CATSPERT: variants seen among roughly 807,000 people sequenced by gnomAD.
The protein encoded by CATSPERT is cation channel sperm-associated targeting subunit tau.
chr2:201,491,175 A>T, the CATSPERT span: 1 of 1,526,816 alleles, frequency 6.5e-7, no homozygotes, highest in South Asian at 1.2e-5. Flanking sequence ...TTACATGTAT[A>T]GTTCTTCTTG....
At chr2:201,557,497 A>G in the CATSPERT span, 2 of 152,114 alleles carry the variant, frequency 1.3e-5, no homozygotes, top group Non-Finnish European at 2.9e-5. Context: ...CCAACCCTAT[A>G]TCTTTCCATT....
chr2:201,564,889 TC>T, the CATSPERT span, among the ~76,000 whole-genome samples: 1 of 152,032 alleles, frequency 6.6e-6, no homozygotes, highest in South Asian at 2.1e-4. Flanking sequence ...ATAAATATGT[TC>T]AAAGAATTAA....
the CATSPERT span, chr2:201,487,762 A>G: frequency 6.2e-7 from 1 of 1,614,158 alleles, no homozygotes; most frequent in African/African-American, 1.3e-5. Flanking sequence ...CCTCCGGAGC[A>G]GTATATGGTC....
chr2:201,531,261 C>T, the CATSPERT span, among the ~76,000 whole-genome samples: 1 of 151,902 alleles, frequency 6.6e-6, no homozygotes, highest in Non-Finnish European at 1.5e-5. Context: ...GCCTGGCCGA[C>T]CCTGCAGTAT....
chr2:201,491,672 C>T, the CATSPERT span: 44 of 1,536,976 alleles, frequency 2.9e-5, no homozygotes, highest in Non-Finnish European at 3.7e-5. Flanking sequence ...GGCATTCTGG[C>T]ATTAGGAATT....
At chr2:201,611,887 T>C in the CATSPERT span, among the ~76,000 whole-genome samples, 3 of 152,224 alleles carry the variant, frequency 2.0e-5, no homozygotes, top group Non-Finnish European at 2.9e-5. Context: ...CTACTAAGTA[T>C]AGTGGTAAAC....
the CATSPERT span, among the ~76,000 whole-genome samples, chr2:201,591,467 G>A: frequency 1.3e-5 from 2 of 152,172 alleles, no homozygotes; most frequent in Admixed American, 1.3e-4. Flanking sequence ...TGGCAATGCG[G>A]GCTCTTTTTT....
chr2:201,493,289 C>G, the CATSPERT span: 3 of 1,536,532 alleles, frequency 2.0e-6, no homozygotes, highest in South Asian at 2.4e-5. Flanking sequence ...TAACTTGAAT[C>G]TTGTGGGAAC....
the CATSPERT span, among the ~76,000 whole-genome samples, chr2:201,541,994 T>C: frequency 6.6e-6 from 1 of 151,928 alleles, no homozygotes; most frequent in African/African-American, 2.4e-5. Context: ...CTTGGGTTCA[T>C]GCAATCCTCC....
the CATSPERT span, among the ~76,000 whole-genome samples, chr2:201,563,829 A>C: frequency 6.6e-6 from 1 of 152,210 alleles, no homozygotes; most frequent in Non-Finnish European, 1.5e-5. Flanking sequence ...TGTTGGAAAG[A>C]ATCAGTGAGT....
At chr2:201,608,262 C>T in the CATSPERT span, among the ~76,000 whole-genome samples, 1 of 152,080 alleles carries the variant, frequency 6.6e-6, no homozygotes, top group Non-Finnish European at 1.5e-5. Context: ...ATCCTCTCAC[C>T]TTGGCCTCTC....
At chr2:201,496,619 AG>A in the CATSPERT span, among the ~76,000 whole-genome samples, 1 of 152,244 alleles carries the variant, frequency 6.6e-6, no homozygotes, top group African/African-American at 2.4e-5. Flanking sequence ...CTGGGATTAC[AG>A]GCGTGAGCCA....
At chr2:201,572,403 C>A in the CATSPERT span, among the ~76,000 whole-genome samples, 1 of 152,088 alleles carries the variant, frequency 6.6e-6, no homozygotes, top group South Asian at 2.1e-4. Context: ...TACAGTATCA[C>A]GATAGGTTAA....
the CATSPERT span, among the ~76,000 whole-genome samples, chr2:201,616,556 C>T: frequency 2.0e-5 from 3 of 152,094 alleles, no homozygotes; most frequent in Non-Finnish European, 4.4e-5. Context: ...TGGGACGTAT[C>T]TCAAAATAAT....
At chr2:201,585,948 T>C in the CATSPERT span, among the ~76,000 whole-genome samples, 1 of 152,104 alleles carries the variant, frequency 6.6e-6, no homozygotes, top group Admixed American at 6.6e-5. Flanking sequence ...TGCCTCTCCT[T>C]CTACCTCCTC....
chr2:201,545,577 A>T, the CATSPERT span: 619,907 of 1,419,694 alleles, frequency 0.44, 136,069 homozygotes, highest in East Asian at 0.76. Flanking sequence ...CCTCTTCAGG[A>T]TGATTACTTT....
At chr2:201,516,968 T>C in the CATSPERT span, among the ~76,000 whole-genome samples, 1 of 151,062 alleles carries the variant, frequency 6.6e-6, no homozygotes, top group Non-Finnish European at 1.5e-5. Flanking sequence ...CATGTCAGGA[T>C]TGGTACTACC....
At chr2:201,500,076 G>A in the CATSPERT span, among the ~76,000 whole-genome samples, 1 of 151,522 alleles carries the variant, frequency 6.6e-6, no homozygotes, top group Non-Finnish European at 1.5e-5. Context: ...TTTTTTTAAG[G>A]GGCAGAAATG....
chr2:201,494,463 A>T, the CATSPERT span: 1 of 1,537,436 alleles, frequency 6.5e-7, no homozygotes, highest in South Asian at 1.2e-5. Context: ...TTTCTTTTAA[A>T]CTATTCTTTG....
Sources: allele counts gnomAD v4.1 joint callset (sites outside exome capture counted in the v4.1 genomes callset), GRCh38; gene constraint gnomAD v4.1.1; transcripts MANE v1.5; gene names NCBI Gene and HGNC (gene_info 2026-07-23, HGNC 2026-07-21).